The following LRPAP1 variants were observed in gnomAD, a reference collection of about 807,000 sequenced individuals.
LRPAP1 encodes alpha-2-macroglobulin receptor-associated protein.
In LRPAP1, 41 loss-of-function variants were observed where a neutral mutation model predicts 39.9. That is an observed-to-expected ratio of 1.03 (90% CI 0.80 to 1.33). The LOEUF (loss-of-function observed/expected upper bound fraction) is 1.33, where lower values mean the gene tolerates loss of function less well. LRPAP1 is among the 40% of genes most tolerant of loss of function. The pLI, the probability that LRPAP1 is intolerant of heterozygous loss-of-function variation, is 0.00. For missense variants in LRPAP1, 565 were observed against 482.3 expected, an observed-to-expected ratio of 1.17 and a Z score of -1.61; for synonymous variants, 263 against 212.7, an observed-to-expected ratio of 1.24 and a Z score of -2.06.
At chr4:3,528,015 T>C (rs1245640116) in intron 1 of LRPAP1, among the ~76,000 whole-genome samples, 5 of 152,200 alleles carry the variant, frequency 3.3e-5, no homozygotes, top group African/African-American at 1.2e-4. Context: ...TTTCCCCTGA[T>C]GTGTGGCTGC....
intron 5 of LRPAP1, 142 bp downstream of exon 5, chr4:3,517,892 G>A: frequency 1.9e-6 from 2 of 1,054,618 alleles, no homozygotes; most frequent in South Asian, 3.5e-5. Flanking sequence ...GACCACCCGT[G>A]GGTAGACTGA....
intron 1 of LRPAP1, among the ~76,000 whole-genome samples, chr4:3,528,562 C>T (rs191858883): frequency 6.6e-6 from 1 of 152,334 alleles, no homozygotes; most frequent in East Asian, 1.9e-4. Context: ...CCAATGCCAC[C>T]AGGACCGCCA....
At chr4:3,526,468 A>G (rs574362002) in intron 1 of LRPAP1, among the ~76,000 whole-genome samples, 1 of 152,340 alleles carries the variant, frequency 6.6e-6, no homozygotes, top group Admixed American at 6.5e-5. Context: ...CTAGTATCCA[A>G]AGTATGTGTG....
intron 1 of LRPAP1, chr4:3,531,921 C>A (rs1560264028): frequency 7.8e-6 from 4 of 515,294 alleles, no homozygotes; most frequent in Non-Finnish European, 1.0e-5. Flanking sequence ...TCCCTACGCT[C>A]GGGTCAGCAG....
At chr4:3,521,533 A>G (rs1729909172) in intron 2 of LRPAP1, among the ~76,000 whole-genome samples, 1 of 152,128 alleles carries the variant, frequency 6.6e-6, no homozygotes, top group Admixed American at 6.5e-5. Context: ...GACACCCTGA[A>G]AGCCTCAGGC....
intron 6 of LRPAP1, 127 bp downstream of exon 6, chr4:3,515,989 A>C: frequency 1.1e-6 from 1 of 927,144 alleles, no homozygotes; most frequent in Non-Finnish European, 1.6e-6. Context: ...CCGAGTGGTT[A>C]AGGAAGAAAC....
chr4:3,505,927 T>C lies in LRPAP1; in HGVS notation c.*7047A>G, dbSNP rs1451768791. ...CCACTGCCCTGCTCCGAGCCTGCTCTGGTCAAGGTGGGCAATGCTGCCCTT... is the reference window on the plus strand; with the variant it reads ...CCACTGCCCTGCTCCGAGCCTGCTCCGGTCAAGGTGGGCAATGCTGCCCTT... On this transcript the variant is annotated 3_prime_UTR_variant, in exon 8 of 8. Coordinates refer to ENST00000650182, the MANE Select transcript of LRPAP1 (RefSeq NM_002337.4). Among the ~76,000 whole-genome samples, 2 of 152,178 alleles carry C rather than the reference T, an allele frequency of 1.3e-5. No homozygotes were observed. Among genetic ancestry groups the C allele is most frequent in the Non-Finnish European group, 2.9e-5 (2 of 68,026 alleles).
chr4:3,525,131 T>C, intron 1 of LRPAP1, 80 bp from the exon 2 acceptor site: 4 of 1,558,204 alleles, frequency 2.6e-6, no homozygotes, highest in Non-Finnish European at 3.5e-6. Flanking sequence ...CGGAGGAGGC[T>C]GGCCACCGGG....
chr4:3,526,377 T>A (rs1171243611), intron 1 of LRPAP1, among the ~76,000 whole-genome samples: 2 of 152,192 alleles, frequency 1.3e-5, no homozygotes, highest in Non-Finnish European at 2.9e-5. Context: ...AAATATGGAG[T>A]CTGTTTTCCC....
At position 3,504,947 on chromosome 4, in the gene LRPAP1, A is replaced by C. The variant is rs888960594; in HGVS notation, c.*8027T>G. Among the ~76,000 whole-genome samples, 11 of 76,404 alleles carry C rather than the reference A, an allele frequency of 1.4e-4. No homozygotes were observed. Among genetic ancestry groups the C allele is most frequent in the Non-Finnish European group, 2.9e-4 (10 of 35,010 alleles). 50.1% of individuals were successfully genotyped at this position (76,404 alleles called of 152,430 possible). A position where few individuals can be genotyped will look rare whatever the true frequency, so the allele number is the denominator to read the frequency against. ...GGGCGACAGAGCAAGACTCCGTCTC[A>C]AGAAAAAAATAAATAACAAAGAACA... On this transcript the variant is annotated 3_prime_UTR_variant, in exon 8 of 8. Transcript: ENST00000650182.
At chr4:3,530,658 G>A (rs975040822) in intron 1 of LRPAP1, among the ~76,000 whole-genome samples, 1 of 152,226 alleles carries the variant, frequency 6.6e-6, no homozygotes, top group Non-Finnish European at 1.5e-5. Flanking sequence ...AGCACCGGGG[G>A]ACAGTGCAGG....
At chr4:3,514,159 C>T (rs1729621393) in intron 7 of LRPAP1, among the ~76,000 whole-genome samples, 1 of 152,270 alleles carries the variant, frequency 6.6e-6, no homozygotes, top group African/African-American at 2.4e-5. Context: ...GCACCACCCT[C>T]TCCTATCAGA....
intron 5 of LRPAP1, 42 bp downstream of exon 5, chr4:3,517,991 CG>C: frequency 6.4e-7 from 1 of 1,550,390 alleles, no homozygotes; most frequent in Non-Finnish European, 8.7e-7. Flanking sequence ...CAACCAGAGA[CG>C]GCCCCACCCT....
At chr4:3,521,421 G>C (rs1188588076) in intron 2 of LRPAP1, among the ~76,000 whole-genome samples, 2 of 152,136 alleles carry the variant, frequency 1.3e-5, no homozygotes. Context: ...TACTCCCAGC[G>C]GGGCCTCCAC....
intron 7 of LRPAP1, 132 bp downstream of exon 7, chr4:3,514,620 T>G: frequency 8.2e-7 from 1 of 1,213,510 alleles, no homozygotes; most frequent in Non-Finnish European, 1.1e-6. Flanking sequence ...GGCCCTGGGG[T>G]TCAACTCGGA....
In LRPAP1 at chr4:3,505,934, G is replaced by A. The variant is rs1729341672; in HGVS notation, c.*7040C>T. The stretch of plus-strand genomic sequence containing the variant: ...CCTGCTCCGAGCCTGCTCTGGTCAA[G>A]GTGGGCAATGCTGCCCTTCATGTAC... On this transcript the variant is annotated 3_prime_UTR_variant, in exon 8 of 8. Coordinates refer to ENST00000650182, the MANE Select transcript of LRPAP1 (RefSeq NM_002337.4). Among the ~76,000 whole-genome samples, 1 of 152,256 alleles carries A rather than the reference G, an allele frequency of 6.6e-6. No homozygotes were observed. The highest frequency in any genetic ancestry group is 2.4e-5 in the African/African-American group (1 of 41,480).
intron 1 of LRPAP1, chr4:3,531,940 G>C: frequency 1.9e-6 from 1 of 540,194 alleles, no homozygotes; most frequent in South Asian, 2.2e-5. Context: ...AGGCCGCCCA[G>C]GCTGGGGAGG....
intron 1 of LRPAP1, 98 bp downstream of exon 1, chr4:3,532,111 C>T: frequency 3.8e-6 from 5 of 1,331,234 alleles, no homozygotes; most frequent in Non-Finnish European, 5.1e-6. Context: ...GCCCCGGCTG[C>T]GCCCCCCTCC....
chr4:3,530,205 C>T (rs1241612949), intron 1 of LRPAP1, among the ~76,000 whole-genome samples: 1 of 152,164 alleles, frequency 6.6e-6, no homozygotes, highest in Non-Finnish European at 1.5e-5. Context: ...AGAGCCACAG[C>T]ACAAAGACCA....
Sources: gnomAD v4.1 joint callset for allele counts (sites outside exome capture counted in the v4.1 genomes callset) on GRCh38, gnomAD v4.1.1 for gene constraint, MANE v1.5 for transcripts, NCBI Gene and HGNC (gene_info 2026-07-23, HGNC 2026-07-21) for gene names.